Variants in DNAH17 observed in about 807,000 individuals in gnomAD.
DNAH17 encodes the protein dynein axonemal heavy chain 17.
Under a neutral mutation model 485.6 loss-of-function variants are expected in DNAH17, and 376 were observed. The observed-to-expected ratio is 0.77, with a 90% CI of 0.71 to 0.84. The LOEUF (loss-of-function observed/expected upper bound fraction) is 0.84. Ranked by LOEUF, DNAH17 falls within the 40% of genes least tolerant of loss-of-function variation. DNAH17 has a pLI of 0.00. For synonymous variants in DNAH17, 3,031 were observed against 2,405.9 expected (o/e 1.26, Z -7.60); for missense variants, 6,370 against 5,839.3 (o/e 1.09, Z -2.96).
In DNAH17 at chr17:78,486,261, C is replaced by T. The variant is rs1373589888; in HGVS notation, c.7064G>A (p.Cys2355Tyr). 2 of 1,600,100 alleles carry T rather than the reference C, an allele frequency of 1.2e-6. No homozygotes were observed. The change falls in exon 45 of 81, where the codon TGC becomes TAC. Residue 2355 changes from cysteine (C) to tyrosine (Y), a missense_variant. By Grantham distance (194) the Cys-to-Tyr change is radical. Transcript: ENST00000389840. Reference protein sequence around the residue: ...ELYELYFVFTCFWAFGGAMFQ... With the variant: ...ELYELYFVFTYFWAFGGAMFQ... ...CATGGCGCCACCGAAGGCCCAGAAG[C>T]AGGTGAACACGAAGTACAGCTCGTA... is the stretch of plus-strand genomic sequence containing the variant.
Position 78,514,833 on chromosome 17 carries a change from C to T in DNAH17, c.4054G>A (p.Glu1352Lys), listed in dbSNP as rs1262256935. 2.5e-6 allele frequency: 4 copies of T among 1,614,040 alleles called. No homozygotes were observed. Among genetic ancestry groups the T allele is most frequent in the South Asian group, 1.1e-5 (1 of 91,086 alleles). The part of the protein sequence containing the change: ...NVITSLRAVS[E>K]LQNPAIRERH... ...TCCCGAATGGCAGGGTTCTGCAGCT[C>T]GCTCACGGCACGCAGGGACGTGATC... The change falls in exon 26 of 81, where the codon GAG (glutamate) becomes AAG (lysine). Residue 1352 changes from glutamate (E) to lysine (K), a missense_variant. Physicochemically the swap from Glu to Lys is moderately conservative, Grantham distance 56 (BLOSUM62 1). Transcript: ENST00000389840.
chr17:78,559,682 G>C lies in DNAH17; in HGVS notation c.2031+1058C>G, dbSNP rs542726187. Among the ~76,000 whole-genome samples, 3 of 152,240 alleles carry C rather than the reference G, an allele frequency of 2.0e-5. No homozygotes were observed. In the East Asian group the frequency reaches 5.8e-4, roughly 29 times the overall value. On this transcript the variant is annotated intron_variant, in intron 13 of 80. Transcript: ENST00000389840. ...GTCCTTTACAACTAGAAATCTAATCGCAGCACACCTCTGTCTGACACCCTG... is the reference window on the plus strand; with the variant it reads ...GTCCTTTACAACTAGAAATCTAATCCCAGCACACCTCTGTCTGACACCCTG...
chr17:78,449,742 A>G (rs1224718073), intron 68 of DNAH17, 158 bp from the exon 69 acceptor site: 1 of 698,788 alleles, frequency 1.4e-6, no homozygotes, highest in Admixed American at 2.9e-5. Context: ...CAGTGGCGTG[A>G]TCTTGGCTCA....
intron 56 of DNAH17, among the ~76,000 whole-genome samples, chr17:78,464,949 G>GCTCTCC (rs542160540): frequency 1.6e-3 from 238 of 152,238 alleles, no homozygotes; most frequent in African/African-American, 4.9e-3. Flanking sequence ...CTCACTTATC[G>GCTCTCC]CTCTCCCTCT....
chr17:78,494,287 C>T (rs956044062), intron 40 of DNAH17, 114 bp from the exon 41 acceptor site: 114 of 1,427,754 alleles, frequency 8.0e-5, no homozygotes, highest in Admixed American at 5.3e-4. Flanking sequence ...CGCCCTTGCC[C>T]TCCGATGCAC....
chr17:78,462,050 T>C (rs933302949), intron 57 of DNAH17, among the ~76,000 whole-genome samples: 1 of 151,992 alleles, frequency 6.6e-6, no homozygotes, highest in Admixed American at 6.5e-5. Flanking sequence ...CCTGTGCCCA[T>C]GGTCCCAGCT....
chr17:78,532,364 T>C, intron 20 of DNAH17, 118 bp downstream of exon 20: 2 of 1,383,390 alleles, frequency 1.4e-6, no homozygotes, highest in Non-Finnish European at 1.9e-6. Flanking sequence ...ATGTTTGCCT[T>C]GCCCTACCTG....
intron 62 of DNAH17, among the ~76,000 whole-genome samples, chr17:78,457,319 C>T (rs2087851574): frequency 6.6e-6 from 1 of 151,968 alleles, no homozygotes. Flanking sequence ...TGCAGTGAGC[C>T]AAGATCGTGC....
chr17:78,526,949 C>T lies in DNAH17; in HGVS notation c.3555G>A (p.Val1185=). 1 of 1,589,130 alleles carries T rather than the reference C, an allele frequency of 6.3e-7. No individual in the cohort carries two copies. Among genetic ancestry groups the T allele is most frequent in the Non-Finnish European group, 8.6e-7 (1 of 1,167,480 alleles). ...CCTGGAGTGGTGCCACGGTCAGCTT[C>T]ACCTGAATGGCCAGTTTCTTGGTAT... ...WANTKKLAIQ[V]KLTVAPLQAN... is the part of the protein sequence containing the mutation. Residue 1185 remains valine, a synonymous_variant, in exon 23 of 81, where the codon GTG becomes GTA. Transcript: ENST00000389840.
At chr17:78,529,095 C>G (rs1346803322) in intron 22 of DNAH17, among the ~76,000 whole-genome samples, 1 of 152,138 alleles carries the variant, frequency 6.6e-6, no homozygotes, top group Non-Finnish European at 1.5e-5. Context: ...ACTAGCCAGC[C>G]ACAGCTGGCT....
At chr17:78,500,660 C>T in intron 35 of DNAH17, 199 bp from the exon 36 acceptor site, 1 of 435,330 alleles carries the variant, frequency 2.3e-6, no homozygotes. Flanking sequence ...AGGCGCCCGC[C>T]ACCATGCCCG....
In DNAH17 at chr17:78,455,806, G is replaced by A. The variant is rs555561474; in HGVS notation, c.10008C>T (p.Ile3336=). 1.2e-6 allele frequency: 2 copies of A among 1,606,682 alleles called. No individual in the cohort carries two copies. Among genetic ancestry groups the A allele is most frequent in the Admixed American group, 1.7e-5 (1 of 58,236 alleles). Residue 3336 remains isoleucine (I), a synonymous_variant, in exon 63 of 81, where the codon ATC becomes ATT. Transcript: ENST00000389840. The part of the protein sequence containing the change: ...RLVGGLASEN[I]RWAESVENFR... ...AGTTCTCCACAGACTCAGCCCAGCG[G>A]ATGTTTTCCGATGCTAATCCCCCGA... is the stretch of plus-strand genomic sequence containing the variant.
chr17:78,524,854 C>T (rs574276784), intron 25 of DNAH17, among the ~76,000 whole-genome samples, 155 bp downstream of exon 25: 4 of 152,300 alleles, frequency 2.6e-5, no homozygotes, highest in South Asian at 2.1e-4. Context: ...CCCCACCTCG[C>T]GATCTCAGGG....
At chr17:78,530,567 T>C in intron 20 of DNAH17, 55 bp from the exon 21 acceptor site, 4 of 1,557,240 alleles carry the variant, frequency 2.6e-6, no homozygotes, top group Non-Finnish European at 2.6e-6. Context: ...AGGGGGGGCG[T>C]CAGCACAGGG....
intron 69 of DNAH17, among the ~76,000 whole-genome samples, chr17:78,446,834 G>A (rs887928340): frequency 5.3e-5 from 8 of 152,202 alleles, no homozygotes; most frequent in Middle Eastern, 3.4e-3. Flanking sequence ...TGTAGAGACA[G>A]GGTTTCACCG....
At chr17:78,462,742 G>A (rs1252407198) in intron 57 of DNAH17, 102 bp downstream of exon 57, 6 of 1,143,000 alleles carry the variant, frequency 5.2e-6, no homozygotes, top group Non-Finnish European at 7.6e-6. Context: ...AGGCAGTGCT[G>A]AGCCCCAGTG....
At chr17:78,557,257 G>A (rs931913898) in intron 14 of DNAH17, among the ~76,000 whole-genome samples, 5 of 152,252 alleles carry the variant, frequency 3.3e-5, no homozygotes, top group African/African-American at 7.2e-5. Flanking sequence ...CAGAAGTAAT[G>A]GAAGCAATGT....
intron 73 of DNAH17, among the ~76,000 whole-genome samples, chr17:78,438,653 C>T (rs1051971036): frequency 3.3e-5 from 5 of 151,206 alleles, no homozygotes; most frequent in Non-Finnish European, 7.4e-5. Context: ...CATGTGCCAG[C>T]ACACTTGGCT....
chr17:78,480,401 T>A (rs1356282408), intron 49 of DNAH17, among the ~76,000 whole-genome samples: 1 of 152,180 alleles, frequency 6.6e-6, no homozygotes, highest in East Asian at 1.9e-4. Context: ...ATATTGTATG[T>A]AACATACTTA....
Sources: gnomAD v4.1 joint callset for allele counts (sites outside exome capture counted in the v4.1 genomes callset) on GRCh38, gnomAD v4.1.1 for gene constraint, MANE v1.5 for transcripts, NCBI Gene and HGNC (gene_info 2026-07-23, HGNC 2026-07-21) for gene names.